PGCKA1: variants seen among roughly 807,000 people sequenced by gnomAD.
PGCKA1 encodes PDCD10 and GCKIII kinases associated 1.
At chr4:37,469,441 G>A in the PGCKA1 span, among the ~76,000 whole-genome samples, 2 of 152,276 alleles carry the variant, frequency 1.3e-5, no homozygotes, top group African/African-American at 4.8e-5. Context: ...TAGTCAAGGA[G>A]AGAAAGCGTG....
chr4:37,582,037 T>C, the PGCKA1 span, among the ~76,000 whole-genome samples: 867 of 152,266 alleles, frequency 5.7e-3, 3 homozygotes, highest in Non-Finnish European at 9.3e-3. Context: ...TCTGCTCTGA[T>C]AGGGCAGCAC....
chr4:37,550,750 A>G, the PGCKA1 span, among the ~76,000 whole-genome samples: 1 of 152,218 alleles, frequency 6.6e-6, no homozygotes, highest in Non-Finnish European at 1.5e-5. Context: ...TTAGCCGAGC[A>G]TGTAGCCCAG....
At chr4:37,591,687 TG>T in the PGCKA1 span, 1 of 152,234 alleles carries the variant, frequency 6.6e-6, no homozygotes, top group Non-Finnish European at 1.5e-5. Flanking sequence ...CCTTTGGGAT[TG>T]GGGAGGCTGG....
chr4:37,509,215 G>C, the PGCKA1 span, among the ~76,000 whole-genome samples: 1 of 145,604 alleles, frequency 6.9e-6, no homozygotes, highest in Non-Finnish European at 1.5e-5. Flanking sequence ...ACGGGGTGGC[G>C]GCCAGGCAGA....
the PGCKA1 span, among the ~76,000 whole-genome samples, chr4:37,553,227 C>G: frequency 6.6e-6 from 1 of 150,638 alleles, no homozygotes; most frequent in East Asian, 2.0e-4. Context: ...CAGGCACCAG[C>G]AGTATACCAA....
At chr4:37,493,368 C>T in the PGCKA1 span, among the ~76,000 whole-genome samples, 1 of 152,014 alleles carries the variant, frequency 6.6e-6, no homozygotes. Context: ...CATTTGTGAA[C>T]ACAAATTTTT....
chr4:37,518,082 A>G, the PGCKA1 span, among the ~76,000 whole-genome samples: 2 of 152,180 alleles, frequency 1.3e-5, no homozygotes, highest in African/African-American at 2.4e-5. Context: ...AGTTGTTGCA[A>G]ATTACTGCAT....
the PGCKA1 span, among the ~76,000 whole-genome samples, chr4:37,486,959 T>C: frequency 6.6e-6 from 1 of 152,138 alleles, no homozygotes. Flanking sequence ...TGTTAAACCA[T>C]AAGGAAAGCT....
At chr4:37,586,941 G>A in the PGCKA1 span, among the ~76,000 whole-genome samples, 1 of 152,030 alleles carries the variant, frequency 6.6e-6, no homozygotes, top group South Asian at 2.1e-4. Flanking sequence ...CAAAACAATG[G>A]AAGTTTATTC....
the PGCKA1 span, among the ~76,000 whole-genome samples, chr4:37,512,337 G>A: frequency 7.6e-4 from 115 of 152,106 alleles, no homozygotes; most frequent in African/African-American, 2.4e-3. Flanking sequence ...AGTTTGATTA[G>A]CACATAAGCA....
chr4:37,512,115 G>T, the PGCKA1 span, among the ~76,000 whole-genome samples: 12 of 152,222 alleles, frequency 7.9e-5, no homozygotes, highest in Admixed American at 1.3e-4. Context: ...TGGGGGAATG[G>T]TGGTGTCAGC....
chr4:37,455,476 T>C, the PGCKA1 span, among the ~76,000 whole-genome samples: 1 of 152,212 alleles, frequency 6.6e-6, no homozygotes, highest in Non-Finnish European at 1.5e-5. Flanking sequence ...AAGGTGTGGC[T>C]TACTTCTCTT....
chr4:37,529,943 G>A, the PGCKA1 span, among the ~76,000 whole-genome samples: 1 of 152,074 alleles, frequency 6.6e-6, no homozygotes, highest in South Asian at 2.1e-4. Flanking sequence ...AAAAAATAAT[G>A]TAAGCCTTTT....
chr4:37,514,686 G>T, the PGCKA1 span, among the ~76,000 whole-genome samples: 141 of 152,302 alleles, frequency 9.3e-4, no homozygotes, highest in African/African-American at 2.9e-3. Context: ...TTGGTTGCTT[G>T]AAAACGAAAC....
the PGCKA1 span, among the ~76,000 whole-genome samples, chr4:37,574,413 T>G: frequency 1.3e-5 from 2 of 151,908 alleles, no homozygotes; most frequent in African/African-American, 4.9e-5. Flanking sequence ...AAATTTTTAT[T>G]TTTCAAGCAG....
the PGCKA1 span, among the ~76,000 whole-genome samples, chr4:37,483,863 G>T: frequency 6.6e-6 from 1 of 152,210 alleles, no homozygotes; most frequent in Non-Finnish European, 1.5e-5. Context: ...TGAGCAGTTT[G>T]TGAGATGCAT....
chr4:37,519,627 A>G, the PGCKA1 span, among the ~76,000 whole-genome samples: 3 of 152,192 alleles, frequency 2.0e-5, no homozygotes, highest in Non-Finnish European at 2.9e-5. Flanking sequence ...TCCTGCTGCA[A>G]CTTTACTGAA....
At chr4:37,459,777 G>A in the PGCKA1 span, among the ~76,000 whole-genome samples, 2 of 150,064 alleles carry the variant, frequency 1.3e-5, no homozygotes, top group Non-Finnish European at 3.0e-5. Flanking sequence ...GATAGGTGAA[G>A]GAGGGTGGAA....
the PGCKA1 span, among the ~76,000 whole-genome samples, chr4:37,592,173 C>G: frequency 3.1e-4 from 46 of 146,902 alleles, no homozygotes; most frequent in African/African-American, 1.1e-3. Context: ...CGTGCCACTG[C>G]ACTCCAGCCT....
Sources: gnomAD v4.1 joint callset for allele counts (sites outside exome capture counted in the v4.1 genomes callset) on GRCh38, gnomAD v4.1.1 for gene constraint, MANE v1.5 for transcripts, NCBI Gene and HGNC (gene_info 2026-07-23, HGNC 2026-07-21) for gene names.